The following EMX1 variants were observed in gnomAD, a reference collection of about 807,000 sequenced individuals.
EMX1 encodes empty spiracles homeobox 1.
A neutral mutation model predicts 20.1 loss-of-function variants in EMX1; 10 were observed. The ratio of observed to expected loss-of-function variants is 0.50; its 90% CI spans 0.31 to 0.84. The LOEUF is 0.84. EMX1 is among the 40% of genes least tolerant of loss of function. The pLI is 0.05. For synonymous variants in EMX1, 250 were observed against 200.4 expected, an observed-to-expected ratio of 1.25 and a Z score of -2.09; for missense variants, 424 against 431.9, an observed-to-expected ratio of 0.98 and a Z score of 0.16.
upstream of EMX1, chr2:72,916,859 C>A (rs774186569): frequency 5.6e-6 from 4 of 717,132 alleles, no homozygotes; most frequent in Non-Finnish European, 1.0e-5. Context: ...CGTGTCTGGG[C>A]ACTGGAGCTG....
intron 2 of EMX1, 21 bp from the exon 3 acceptor site, chr2:72,933,766 G>A (rs771361544): frequency 1.1e-5 from 18 of 1,613,452 alleles, no homozygotes; most frequent in Non-Finnish European, 1.4e-5. Context: ...TCTCATCTGT[G>A]CCCCTCCCTC....
Position 72,917,984 on chromosome 2 carries a change from C to T in EMX1, c.132C>T (p.Thr44=), listed in dbSNP as rs1421106399. 1.3e-6 allele frequency: 2 copies of T among 1,484,208 alleles called. No individual in the cohort carries two copies. The highest frequency in any genetic ancestry group is 1.8e-6 in the Non-Finnish European group (2 of 1,125,058). The allele number at this position is 1,484,208 out of a possible 1,614,324, so 91.9% of individuals were successfully genotyped here. A position where few individuals can be genotyped will look rare whatever the true frequency, so the allele number is the denominator to read the frequency against. The change falls in exon 1 of 3, where the codon ACC becomes ACT. Residue 44 remains threonine (T), a synonymous_variant. Transcript: ENST00000258106. ...AGCCCGCGGCCAAGCGCGGCTTTAC[C>T]ATAGAGTCCTTGGTGGCCAAGGACG... ...MFQPAAKRGF[T]IESLVAKDGG... is the part of the protein sequence containing the mutation.
chr2:72,926,640 T>C (rs1305102419), intron 2 of EMX1, among the ~76,000 whole-genome samples: 1 of 152,226 alleles, frequency 6.6e-6, no homozygotes, highest in Non-Finnish European at 1.5e-5. Context: ...TTAACCTCTC[T>C]GAGCTCTGGT....
At chr2:72,920,081 G>A (rs1002611812) in intron 1 of EMX1, among the ~76,000 whole-genome samples, 1 of 152,170 alleles carries the variant, frequency 6.6e-6, no homozygotes, top group African/African-American at 2.4e-5. Flanking sequence ...GCCTCCAGCC[G>A]TTCAGCTTGT....
In EMX1 at chr2:72,918,249, G is replaced by A. The variant is rs772375150; in HGVS notation, c.397G>A (p.Ala133Thr). ...MNHPALTVHP[A>T]HQLGASPLQP... ...CCACCCCGCGCTGACCGTGCATCCG[G>A]CGCACCAGCTGGGCGCCTCCCCGCT... The change falls in exon 1 of 3, where the codon GCG becomes ACG. Residue 133 changes from alanine (A) to threonine (T), a missense_variant. By Grantham distance (58) the Ala-to-Thr change is moderately conservative. Coordinates refer to ENST00000258106, the MANE Select transcript of EMX1 (RefSeq NM_004097.3). 7.6e-6 allele frequency: 12 copies of A among 1,579,326 alleles called. No individual in the cohort carries two copies. The highest frequency in any genetic ancestry group is 4.1e-5 in the African/African-American group (3 of 72,338).
chr2:72,917,984 C>G lies in EMX1; in HGVS notation c.132C>G (p.Thr44=). 1 of 1,484,316 alleles carries G rather than the reference C, an allele frequency of 6.7e-7. No homozygotes were observed. The highest frequency in any genetic ancestry group is 8.9e-7 in the Non-Finnish European group (1 of 1,125,048). The allele number at this position is 1,484,316 out of a possible 1,614,324, so 91.9% of individuals were successfully genotyped here. The part of the protein sequence containing the change: ...MFQPAAKRGF[T]IESLVAKDGG... ...AGCCCGCGGCCAAGCGCGGCTTTAC[C>G]ATAGAGTCCTTGGTGGCCAAGGACG... Residue 44 remains threonine, a synonymous_variant, in exon 1 of 3, where the codon ACC becomes ACG. Coordinates refer to ENST00000258106, the MANE Select transcript of EMX1 (RefSeq NM_004097.3).
intron 1 of EMX1, 147 bp downstream of exon 1, chr2:72,918,519 G>A (rs1462141824): frequency 7.6e-6 from 9 of 1,181,808 alleles, no homozygotes; most frequent in Middle Eastern, 3.1e-4. Flanking sequence ...AGGCAGGGAA[G>A]AGCTGTGCGG....
intron 1 of EMX1, chr2:72,923,396 T>C (rs1458265149): frequency 6.6e-6 from 1 of 152,216 alleles, no homozygotes; most frequent in African/African-American, 2.4e-5. Flanking sequence ...TATACACATG[T>C]TTCTTTAGCA....
chr2:72,916,570 GA>G, upstream of EMX1: 2 of 616,470 alleles, frequency 3.2e-6, no homozygotes, highest in South Asian at 1.9e-5. Context: ...CCGCCGTACG[GA>G]AAAACTGGCC....
chr2:72,917,663 G>C lies in EMX1; in HGVS notation c.-190G>C, dbSNP rs1299975597. ...TTACTGGCAGCTCGCAGCCTAGCAC[G>C]GAGCCCGCGCCTGTGCGGGCGCCTG... is the stretch of plus-strand genomic sequence containing the variant. On this transcript the variant is annotated 5_prime_UTR_variant, in exon 1 of 3. Transcript: ENST00000258106. The C allele has an allele frequency of 3.1e-6, 1 of 324,914 alleles. No individual in the cohort carries two copies. Among genetic ancestry groups the C allele is most frequent in the African/African-American group, 2.2e-5 (1 of 45,430 alleles). The allele number at this position is 324,914 out of a possible 1,614,324, so 20.1% of individuals were successfully genotyped here.
upstream of EMX1, chr2:72,916,770 C>G (rs1382954720): frequency 1.4e-6 from 1 of 717,400 alleles, no homozygotes; most frequent in Non-Finnish European, 2.6e-6. Context: ...CACTTGAGCC[C>G]CCAGAGCCTC....
chr2:72,925,423 C>G (rs1026708556), intron 2 of EMX1: 1 of 1,283,786 alleles, frequency 7.8e-7, no homozygotes, highest in Admixed American at 2.3e-5. Flanking sequence ...ACTGCATAAG[C>G]TCTTGGTCCA....
chr2:72,923,959 C>G, intron 1 of EMX1: 1 of 408,594 alleles, frequency 2.4e-6, no homozygotes, highest in Non-Finnish European at 4.5e-6. Context: ...GACTTTTCTT[C>G]CCCACCCCTT....
chr2:72,916,427 G>C, upstream of EMX1: 1 of 546,638 alleles, frequency 1.8e-6, no homozygotes, highest in Non-Finnish European at 3.3e-6. Flanking sequence ...CCAGGTCCCA[G>C]CCTCCCCACC....
At chr2:72,925,590 G>A (rs960961784) in intron 2 of EMX1, 6 of 1,279,238 alleles carry the variant, frequency 4.7e-6, no homozygotes, top group Non-Finnish European at 6.1e-6. Context: ...TTCACCTTCC[G>A]CTCCCCTTTC....
At chr2:72,924,599 G>C (rs1573897737) in intron 2 of EMX1, 106 bp downstream of exon 2, 1 of 1,323,328 alleles carries the variant, frequency 7.6e-7, no homozygotes, top group South Asian at 1.5e-5. Context: ...AGCCCTGCTG[G>C]GTTCCAAAAG....
chr2:72,921,883 C>T (rs1248092829), intron 1 of EMX1, among the ~76,000 whole-genome samples: 1 of 152,116 alleles, frequency 6.6e-6, no homozygotes, highest in African/African-American at 2.4e-5. Context: ...AAGCTTGTTG[C>T]CTTCATCCTC....
At chr2:72,925,784 T>G (rs947243951) in intron 2 of EMX1, 1 of 985,254 alleles carries the variant, frequency 1.0e-6, no homozygotes, top group Non-Finnish European at 1.2e-6. Context: ...CTCTCCTCCT[T>G]CAGTGGCATT....
At position 72,933,984 on chromosome 2, in the gene EMX1, A is replaced by T. The variant is rs995688668; in HGVS notation, c.*30A>T. On this transcript the variant is annotated 3_prime_UTR_variant, in exon 3 of 3. Coordinates refer to ENST00000258106, the MANE Select transcript of EMX1 (RefSeq NM_004097.3). ...GGCAACCACAAACCCACGAGGGCAG[A>T]GTGCTGCTTGCTGCTGGCCAGGCCC... The T allele has an allele frequency of 5.6e-6, 9 of 1,613,414 alleles. No homozygotes were observed. The highest frequency in any genetic ancestry group is 7.6e-6 in the Non-Finnish European group (9 of 1,179,558).
Sources: allele counts gnomAD v4.1 joint callset (sites outside exome capture counted in the v4.1 genomes callset), GRCh38; gene constraint gnomAD v4.1.1; transcripts MANE v1.5; gene names NCBI Gene and HGNC (gene_info 2026-07-23, HGNC 2026-07-21).